Variants in METTL15 observed in about 807,000 individuals in gnomAD.
The protein encoded by METTL15 is 12S rRNA N(4)-cytidine methyltransferase METTL15.
METTL15 carries 34 observed loss-of-function variants against 38.3 expected under a neutral mutation model. The observed-to-expected ratio is 0.89, with a 90% CI of 0.68 to 1.18. METTL15 has a LOEUF of 1.18. Ranked by LOEUF, METTL15 falls within the 50% of genes most tolerant of loss-of-function variation. The probability of loss-of-function intolerance (pLI) is 0.00; values close to 1 mark genes in which losing one functional copy is unlikely to be tolerated. For missense variants in METTL15, 438 were observed against 498.4 expected, an observed-to-expected ratio of 0.88 and a Z score of 1.15; for synonymous variants, 162 against 170.9, an observed-to-expected ratio of 0.95 and a Z score of 0.41.
intron 3 of METTL15, among the ~76,000 whole-genome samples, chr11:28,175,598 T>C (rs940353940): frequency 3.3e-5 from 5 of 152,154 alleles, no homozygotes; most frequent in African/African-American, 7.2e-5. Context: ...AAATGACTTA[T>C]TAACTTTCTT....
chr11:28,228,802 T>A (rs777791283), intron 4 of METTL15, among the ~76,000 whole-genome samples: 22 of 151,880 alleles, frequency 1.4e-4, no homozygotes, highest in Non-Finnish European at 2.7e-4. Flanking sequence ...ATATGTTATT[T>A]TTAAATTTTT....
At chr11:28,169,835 C>A (rs547476042) in intron 3 of METTL15, among the ~76,000 whole-genome samples, 2 of 152,104 alleles carry the variant, frequency 1.3e-5, no homozygotes, top group East Asian at 3.9e-4. Flanking sequence ...TAATTCTATT[C>A]TCTTACTTTT....
chr11:28,365,648 A>G (rs889501171), intron 5 of METTL15, among the ~76,000 whole-genome samples: 2 of 152,176 alleles, frequency 1.3e-5, no homozygotes, highest in African/African-American at 4.8e-5. Context: ...GAATCCATTC[A>G]TAAGTATAGG....
intron 6 of METTL15, among the ~76,000 whole-genome samples, chr11:28,427,330 A>C (rs924122920): frequency 7.9e-5 from 12 of 152,014 alleles, no homozygotes; most frequent in Non-Finnish European, 1.8e-4. Flanking sequence ...TGTTTTGATT[A>C]CTGTAGCCTT....
At chr11:28,408,160 AGGGGGTG>A (rs1421292636) in intron 5 of METTL15, among the ~76,000 whole-genome samples, 2 of 150,652 alleles carry the variant, frequency 1.3e-5, no homozygotes, top group Non-Finnish European at 3.0e-5. Context: ...CTGTTGGTTC[AGGGGGTG>A]GGGTGGGGGA....
chr11:28,364,713 T>C (rs1207011018), intron 5 of METTL15, among the ~76,000 whole-genome samples: 1 of 152,182 alleles, frequency 6.6e-6, no homozygotes, highest in Non-Finnish European at 1.5e-5. Context: ...TCCAGTACTA[T>C]GTTGAATAGG....
intron 6 of METTL15, among the ~76,000 whole-genome samples, chr11:28,493,815 A>C (rs1404795794): frequency 6.6e-6 from 1 of 152,198 alleles, no homozygotes; most frequent in Non-Finnish European, 1.5e-5. Flanking sequence ...ATTTGATTCT[A>C]TAAGTTTGTC....
chr11:28,449,213 G>A, intron 6 of METTL15, among the ~76,000 whole-genome samples: 1 of 152,178 alleles, frequency 6.6e-6, no homozygotes, highest in East Asian at 1.9e-4. Context: ...GAGGTGGATA[G>A]TGCAGGGCTG....
chr11:28,398,073 C>T (rs191167964), intron 5 of METTL15, among the ~76,000 whole-genome samples: 3 of 151,936 alleles, frequency 2.0e-5, no homozygotes, highest in Admixed American at 2.0e-4. Context: ...GAATATCACA[C>T]ACCAGGGCCT....
At chr11:28,207,718 G>C (rs35147756) in intron 3 of METTL15, among the ~76,000 whole-genome samples, 1 of 152,096 alleles carries the variant, frequency 6.6e-6, no homozygotes, top group Non-Finnish European at 1.5e-5. Flanking sequence ...GGTAGAATTT[G>C]GCTGTGAATC....
intron 6 of METTL15, among the ~76,000 whole-genome samples, chr11:28,428,277 T>C (rs1242653850): frequency 1.3e-5 from 2 of 152,102 alleles, no homozygotes; most frequent in Non-Finnish European, 2.9e-5. Context: ...TATAACACAA[T>C]GGTAAGTATG....
At chr11:28,380,309 A>G (rs897805774) in intron 5 of METTL15, among the ~76,000 whole-genome samples, 7 of 151,802 alleles carry the variant, frequency 4.6e-5, no homozygotes, top group African/African-American at 1.7e-4. Context: ...CTGGGACTAC[A>G]GGCACCTGCC....
intron 3 of METTL15, among the ~76,000 whole-genome samples, chr11:28,206,027 G>A (rs1295611164): frequency 7.2e-6 from 1 of 138,796 alleles, no homozygotes; most frequent in East Asian, 2.1e-4. Flanking sequence ...AGATGAGTAG[G>A]TTGCAAAAAT....
intron 6 of METTL15, among the ~76,000 whole-genome samples, chr11:28,462,648 T>A (rs1427696374): frequency 4.6e-5 from 7 of 152,002 alleles, no homozygotes; most frequent in Admixed American, 2.0e-4. Context: ...ATGGGATGAA[T>A]TATGTTCAGT....
At chr11:28,480,100 A>G (rs1851383002) in intron 6 of METTL15, among the ~76,000 whole-genome samples, 2 of 152,242 alleles carry the variant, frequency 1.3e-5, no homozygotes, top group African/African-American at 4.8e-5. Flanking sequence ...TGAATTAGAT[A>G]AAAATTTCAG....
chr11:28,389,736 G>A (rs1275213800), intron 5 of METTL15, among the ~76,000 whole-genome samples: 1 of 151,380 alleles, frequency 6.6e-6, no homozygotes, highest in Admixed American at 6.6e-5. Flanking sequence ...TAGTCCTTTG[G>A]GTATATACCC....
rs1267974889 is a variant in METTL15, at chr11:28,429,953, A to G, written c.*424+5589A>G. ...CCGCCATCACATCTAGGAAGTGAGG[A>G]GCGTCTCTGCCCGGCCGCCCATCGT... is the stretch of plus-strand genomic sequence containing the variant. On this transcript the variant is annotated intron_variant and NMD_transcript_variant, in intron 6 of 7. Coordinates refer to the METTL15 transcript ENST00000532947. Among the ~76,000 whole-genome samples, 146 of 122,526 alleles carry G rather than the reference A, an allele frequency of 1.2e-3. No individual in the cohort carries two copies. The East Asian group carries it at 0.02, about 17-fold the overall frequency. 80.4% of individuals were successfully genotyped at this position (122,526 alleles called of 152,430 possible). A position where few individuals can be genotyped will look rare whatever the true frequency, so the allele number is the denominator to read the frequency against.
intron 6 of METTL15, among the ~76,000 whole-genome samples, chr11:28,467,106 A>G (rs1851263345): frequency 6.6e-6 from 1 of 152,108 alleles, no homozygotes; most frequent in African/African-American, 2.4e-5. Context: ...GCACAGTGTC[A>G]TTGGTTATTT....
intron 6 of METTL15, among the ~76,000 whole-genome samples, chr11:28,307,764 TGATGAA>T (rs1299426811): frequency 1.3e-5 from 2 of 152,000 alleles, no homozygotes; most frequent in Non-Finnish European, 2.9e-5. Flanking sequence ...TGCTGGGCAC[TGATGAA>T]GATGAAGACA....
Sources: gnomAD v4.1 joint callset for allele counts (sites outside exome capture counted in the v4.1 genomes callset) on GRCh38, gnomAD v4.1.1 for gene constraint, MANE v1.5 for transcripts, NCBI Gene and HGNC (gene_info 2026-07-23, HGNC 2026-07-21) for gene names.